FHIT: variants seen among roughly 807,000 people sequenced by gnomAD.
The protein encoded by FHIT is bis(5'-adenosyl)-triphosphatase.
FHIT carries 19 observed loss-of-function variants against 17.9 expected under a neutral mutation model. The ratio of observed to expected loss-of-function variants is 1.06; its 90% CI spans 0.74 to 1.56. The LOEUF is 1.56. Among genes scored for constraint, FHIT ranks in the 40% most tolerant of loss-of-function variants. The pLI is 0.00. For synonymous variants in FHIT, 81 were observed against 69.7 expected (o/e 1.16, Z -0.81); for missense variants, 248 against 189.2 (o/e 1.31, Z -1.82).
At chr3:60,988,142 A>C (rs1289332525) in intron 3 of FHIT, among the ~76,000 whole-genome samples, 3 of 152,220 alleles carry the variant, frequency 2.0e-5, no homozygotes, top group Non-Finnish European at 4.4e-5. Flanking sequence ...AGATGCTATT[A>C]AATCTTAACC....
intron 5 of FHIT, among the ~76,000 whole-genome samples, chr3:60,052,370 A>C (rs1701916046): frequency 6.6e-6 from 1 of 152,084 alleles, no homozygotes; most frequent in Non-Finnish European, 1.5e-5. Context: ...TCATGTACTA[A>C]AGGGAATCCT....
rs1301669980 is a variant in FHIT at position 60,117,564 on chromosome 3, G to C, written c.104-103412C>G. Among the ~76,000 whole-genome samples, 8 of 141,630 alleles carry C rather than the reference G, an allele frequency of 5.6e-5. No individual in the cohort carries two copies. The South Asian group carries it at 1.1e-3, about 20-fold the overall frequency. 92.9% of individuals were successfully genotyped at this position (141,630 alleles called of 152,430 possible). On this transcript the variant is annotated intron_variant, in intron 5 of 9. Transcript: ENST00000492590. Reference sequence around the variant, plus strand: ...GTAATTATATTTTTTATGTTCTTAAGAATTTAGGAGCTTGCTATGGTTAAT... The same window carrying C: ...GTAATTATATTTTTTATGTTCTTAACAATTTAGGAGCTTGCTATGGTTAAT...
chr3:60,066,649 T>A (rs1702522611), intron 5 of FHIT, among the ~76,000 whole-genome samples: 2 of 79,086 alleles, frequency 2.5e-5, no homozygotes, highest in Non-Finnish European at 2.4e-5. Context: ...TTTTTTTTTT[T>A]TTTTTTTTTT....
intron 7 of FHIT, among the ~76,000 whole-genome samples, chr3:59,925,728 G>A (rs948261255): frequency 1.2e-4 from 19 of 152,178 alleles, no homozygotes; most frequent in African/African-American, 3.6e-4. Flanking sequence ...GTTTTTTCCC[G>A]AGGGCATAGA....
intron 5 of FHIT, among the ~76,000 whole-genome samples, chr3:60,434,587 C>T (rs952361736): frequency 6.6e-5 from 10 of 152,180 alleles, no homozygotes; most frequent in African/African-American, 2.4e-4. Context: ...ACCTGATGTA[C>T]ATTACCTTGT....
intron 5 of FHIT, among the ~76,000 whole-genome samples, chr3:60,096,580 A>G (rs1416610187): frequency 6.6e-6 from 1 of 152,124 alleles, no homozygotes; most frequent in Non-Finnish European, 1.5e-5. Context: ...CTATCTGACT[A>G]GGTATTTGGC....
In FHIT at chr3:59,954,248, GTGTT is replaced by G. The variant is rs540475842; in HGVS notation, c.280-31838_280-31835del. Among the ~76,000 whole-genome samples the G allele has an allele frequency of 1.3e-3, 120 of 95,190 alleles. 1 individual carries two copies. Among genetic ancestry groups the G allele is most frequent in the African/African-American group, 5.6e-3 (120 of 21,616 alleles). 62.4% of individuals were successfully genotyped at this position (95,190 alleles called of 152,430 possible). A position where few individuals can be genotyped will look rare whatever the true frequency, so the allele number is the denominator to read the frequency against. On this transcript the variant is annotated intron_variant, in intron 7 of 9. Transcript: ENST00000492590. ...TTTTTTTTCTTTTTTTTCCAAATGT[GTGTT>G]TGTATTGCTTTGTTTAAATATAGGC...
chr3:60,719,392 G>A (rs1553707525), intron 4 of FHIT, among the ~76,000 whole-genome samples: 2 of 152,094 alleles, frequency 1.3e-5, no homozygotes, highest in African/African-American at 4.8e-5. Flanking sequence ...CATTCTCAAT[G>A]ACTGCCAATC....
At chr3:61,087,912 GGA>G (rs2035355289) in intron 2 of FHIT, among the ~76,000 whole-genome samples, 1 of 152,106 alleles carries the variant, frequency 6.6e-6, no homozygotes, top group Non-Finnish European at 1.5e-5. Context: ...AAAATTGAAA[GGA>G]GAATGAAAAC....
chr3:60,644,262 A>C (rs550232878), intron 4 of FHIT, among the ~76,000 whole-genome samples: 1 of 152,320 alleles, frequency 6.6e-6, no homozygotes, highest in South Asian at 2.1e-4. Context: ...GTTTTTCTTC[A>C]TAGGTGTTTG....
At chr3:60,485,692 A>G (rs1423444548) in intron 5 of FHIT, among the ~76,000 whole-genome samples, 1 of 151,978 alleles carries the variant, frequency 6.6e-6, no homozygotes, top group African/African-American at 2.4e-5. Context: ...CAACAGGTCA[A>G]TAGGTGCAGC....
At chr3:60,860,903 A>G in intron 3 of FHIT, among the ~76,000 whole-genome samples, 1 of 103,706 alleles carries the variant, frequency 9.6e-6, no homozygotes, top group East Asian at 2.3e-4. Context: ...ATACGTATAT[A>G]TCATGTATAT....
intron 4 of FHIT, among the ~76,000 whole-genome samples, chr3:60,631,509 C>T (rs782539239): frequency 5.3e-5 from 8 of 152,180 alleles, no homozygotes; most frequent in Non-Finnish European, 1.0e-4. Context: ...ATTCATTAAT[C>T]TGTCATCAAC....
chr3:61,215,726 T>A (rs887614658), intron 1 of FHIT, among the ~76,000 whole-genome samples: 1 of 152,028 alleles, frequency 6.6e-6, no homozygotes, highest in South Asian at 2.1e-4. Context: ...GAGGCATCAC[T>A]CTACCTGACT....
intron 8 of FHIT, among the ~76,000 whole-genome samples, chr3:59,760,490 A>T (rs920616011): frequency 3.3e-5 from 5 of 151,920 alleles, no homozygotes; most frequent in African/African-American, 1.2e-4. Context: ...GGAACATGCT[A>T]TGTACCCTAT....
intron 2 of FHIT, among the ~76,000 whole-genome samples, chr3:61,089,153 C>A (rs2035398263): frequency 6.6e-6 from 1 of 151,752 alleles, no homozygotes; most frequent in Non-Finnish European, 1.5e-5. Context: ...CATAGGGCAT[C>A]CAAAGTGGGG....
chr3:60,894,699 C>CA (rs1226750798), intron 3 of FHIT, among the ~76,000 whole-genome samples: 5 of 151,640 alleles, frequency 3.3e-5, no homozygotes, highest in Admixed American at 2.6e-4. Context: ...AACAAAAAAA[C>CA]AAAAAACACT....
intron 3 of FHIT, among the ~76,000 whole-genome samples, chr3:60,868,976 T>C (rs1470913464): frequency 6.6e-6 from 1 of 152,144 alleles, no homozygotes; most frequent in African/African-American, 2.4e-5. Flanking sequence ...CTTTGGCCTT[T>C]TAATACTGTA....
At chr3:60,107,056 A>C (rs1228528539) in intron 5 of FHIT, among the ~76,000 whole-genome samples, 1 of 151,976 alleles carries the variant, frequency 6.6e-6, no homozygotes, top group East Asian at 1.9e-4. Context: ...TAAAAAGCTG[A>C]ATTTTACATG....
Sources: allele counts gnomAD v4.1 joint callset (sites outside exome capture counted in the v4.1 genomes callset), GRCh38; gene constraint gnomAD v4.1.1; transcripts MANE v1.5; gene names NCBI Gene and HGNC (gene_info 2026-07-23, HGNC 2026-07-21).